LOC128462377: variants seen among roughly 807,000 people sequenced by gnomAD.
At chr16:89,372,098 G>T in the LOC128462377 span, among the ~76,000 whole-genome samples, 1 of 152,242 alleles carries the variant, frequency 6.6e-6, no homozygotes, top group Non-Finnish European at 1.5e-5. Flanking sequence ...GACCACCACG[G>T]CGGGCACCCG....
At chr16:89,415,942 G>T in the LOC128462377 span, among the ~76,000 whole-genome samples, 1 of 151,286 alleles carries the variant, frequency 6.6e-6, no homozygotes, top group Admixed American at 6.6e-5. Context: ...CCCAACCTCT[G>T]CTCAGCAGGG....
chr16:89,398,031 T>C, the LOC128462377 span, among the ~76,000 whole-genome samples: 1 of 152,244 alleles, frequency 6.6e-6, no homozygotes, highest in African/African-American at 2.4e-5. Flanking sequence ...GCACTGTCTA[T>C]GTGAATAAAA....
At chr16:89,363,554 C>G in the LOC128462377 span, among the ~76,000 whole-genome samples, 1 of 152,106 alleles carries the variant, frequency 6.6e-6, no homozygotes, top group South Asian at 2.1e-4. Context: ...ACATAGTTCA[C>G]AATTCTGAGT....
At chr16:89,397,085 T>C in the LOC128462377 span, among the ~76,000 whole-genome samples, 5 of 152,312 alleles carry the variant, frequency 3.3e-5, no homozygotes, top group South Asian at 1.0e-3. Flanking sequence ...CTGTTGTTAA[T>C]TGGAATTGGT....
At chr16:89,380,088 G>C in the LOC128462377 span, among the ~76,000 whole-genome samples, 1 of 152,102 alleles carries the variant, frequency 6.6e-6, no homozygotes, top group Non-Finnish European at 1.5e-5. Flanking sequence ...TGTTATTTCT[G>C]GTACCCCAGT....
At chr16:89,327,803 A>G in the LOC128462377 span, among the ~76,000 whole-genome samples, 1 of 152,230 alleles carries the variant, frequency 6.6e-6, no homozygotes. Context: ...AGGAAAAAAC[A>G]GGAGAAAATC....
chr16:89,371,080 T>C, the LOC128462377 span, among the ~76,000 whole-genome samples: 1 of 152,082 alleles, frequency 6.6e-6, no homozygotes, highest in Non-Finnish European at 1.5e-5. Context: ...TGAGAAACGT[T>C]CAACTGCGCG....
At chr16:89,413,542 G>A in the LOC128462377 span, among the ~76,000 whole-genome samples, 1 of 152,060 alleles carries the variant, frequency 6.6e-6, no homozygotes, top group East Asian at 1.9e-4. Context: ...GGAGAATGGC[G>A]TGAACCCGGG....
At chr16:89,368,332 G>T in the LOC128462377 span, among the ~76,000 whole-genome samples, 1 of 148,714 alleles carries the variant, frequency 6.7e-6, no homozygotes, top group Admixed American at 6.7e-5. Flanking sequence ...GAATAGCTGG[G>T]ATTACAGGTG....
At chr16:89,347,916 C>T in the LOC128462377 span, among the ~76,000 whole-genome samples, 1 of 152,004 alleles carries the variant, frequency 6.6e-6, no homozygotes, top group Non-Finnish European at 1.5e-5. Context: ...AGAGCACTTT[C>T]CTCATGAATA....
At chr16:89,330,853 A>C in the LOC128462377 span, among the ~76,000 whole-genome samples, 1 of 152,192 alleles carries the variant, frequency 6.6e-6, no homozygotes, top group Non-Finnish European at 1.5e-5. Flanking sequence ...AACTTCCCCC[A>C]GTGGCTTTTG....
the LOC128462377 span, among the ~76,000 whole-genome samples, chr16:89,344,537 C>T: frequency 6.6e-6 from 1 of 152,204 alleles, no homozygotes. Context: ...AAATGACCCA[C>T]AAATAAAGGC....
the LOC128462377 span, among the ~76,000 whole-genome samples, chr16:89,334,261 G>A: frequency 6.6e-6 from 1 of 151,452 alleles, no homozygotes; most frequent in Admixed American, 6.6e-5. Flanking sequence ...CCTCATCAAT[G>A]GCCTTCACAA....
At chr16:89,388,635 G>A in the LOC128462377 span, among the ~76,000 whole-genome samples, 1 of 152,176 alleles carries the variant, frequency 6.6e-6, no homozygotes, top group African/African-American at 2.4e-5. Context: ...GGGGCTGAAG[G>A]AGGCTGCATA....
the LOC128462377 span, among the ~76,000 whole-genome samples, chr16:89,374,419 G>A: frequency 2.0e-5 from 3 of 152,050 alleles, no homozygotes; most frequent in East Asian, 5.8e-4. Flanking sequence ...GGGCAGAGCT[G>A]AACGATACAA....
the LOC128462377 span, among the ~76,000 whole-genome samples, chr16:89,378,535 T>C: frequency 1.3e-5 from 2 of 152,208 alleles, no homozygotes; most frequent in Non-Finnish European, 2.9e-5. Flanking sequence ...AAGCTAAATG[T>C]ACGTGCTATA....
At chr16:89,322,326 T>G in the LOC128462377 span, among the ~76,000 whole-genome samples, 4 of 152,360 alleles carry the variant, frequency 2.6e-5, no homozygotes, top group African/African-American at 9.6e-5. Flanking sequence ...TTCCACAGTA[T>G]GTTGATAGAA....
the LOC128462377 span, among the ~76,000 whole-genome samples, chr16:89,322,841 GTTCTT>G: frequency 2.0e-5 from 3 of 151,972 alleles, no homozygotes; most frequent in South Asian, 2.1e-4. Flanking sequence ...TATCTGAAGA[GTTCTT>G]TTGTTTGTTT....
the LOC128462377 span, among the ~76,000 whole-genome samples, chr16:89,412,941 C>T: frequency 2.6e-5 from 4 of 152,240 alleles, no homozygotes; most frequent in South Asian, 6.2e-4. Context: ...CACTCAGAGC[C>T]GGATTCCAGC....
Sources: gnomAD v4.1 joint callset for allele counts (sites outside exome capture counted in the v4.1 genomes callset) on GRCh38, gnomAD v4.1.1 for gene constraint, MANE v1.5 for transcripts.